The following MAN1C1 variants were observed in gnomAD, a reference collection of about 807,000 sequenced individuals.
The protein encoded by MAN1C1 is mannosidase alpha class 1C member 1, also known as mannosyl-oligosaccharide 1,2-alpha-mannosidase IC.
Under a neutral mutation model 71.5 loss-of-function variants are expected in MAN1C1, and 49 were observed. That is an observed-to-expected ratio of 0.69 (90% CI 0.54 to 0.87). The LOEUF (loss-of-function observed/expected upper bound fraction) is 0.87, where lower values mean the gene tolerates loss of function less well. Among genes scored for constraint, MAN1C1 ranks in the 40% least tolerant of loss-of-function variants. The probability of loss-of-function intolerance (pLI) is 0.00; values close to 1 mark genes in which losing one functional copy is unlikely to be tolerated. For synonymous variants in MAN1C1, 352 were observed against 343.7 expected (o/e 1.02, Z -0.27); for missense variants, 743 against 835.0 (o/e 0.89, Z 1.36).
chr1:25,697,410 C>G (rs1031657652), intron 2 of MAN1C1, among the ~76,000 whole-genome samples: 2 of 152,200 alleles, frequency 1.3e-5, no homozygotes, highest in African/African-American at 4.8e-5. Flanking sequence ...AGGAATATTC[C>G]TTTGTATGGA....
chr1:25,710,635 C>T (rs1003863774), intron 2 of MAN1C1, among the ~76,000 whole-genome samples: 2 of 152,050 alleles, frequency 1.3e-5, no homozygotes, highest in Non-Finnish European at 2.9e-5. Flanking sequence ...TTGTAAATTG[C>T]GGGGACCCAG....
At position 25,730,915 on chromosome 1, in the gene MAN1C1, A is replaced by G. The variant is rs1226149206; in HGVS notation, c.638-15753A>G. On this transcript the variant is annotated intron_variant, in intron 2 of 11. Coordinates refer to ENST00000374332, the MANE Select transcript of MAN1C1 (RefSeq NM_020379.4). This position sits in a 1 kb window ranked among gnomAD's most constrained non-coding sequence, Gnocchi z 4.3. The stretch of plus-strand genomic sequence containing the variant: ...ACAGATGCAGACTCGCTGCTGGCTC[A>G]GAGAGGTTAAGTCATTTGGCTGTGG... Among the ~76,000 whole-genome samples the G allele has an allele frequency of 1.3e-5, 2 of 152,224 alleles. No individual in the cohort carries two copies. The highest frequency in any genetic ancestry group is 2.9e-5 in the Non-Finnish European group (2 of 68,036).
At chr1:25,750,925 G>A (rs1454499731) in intron 4 of MAN1C1, among the ~76,000 whole-genome samples, 1 of 152,180 alleles carries the variant, frequency 6.6e-6, no homozygotes, top group Non-Finnish European at 1.5e-5. Flanking sequence ...AGCAATTCAG[G>A]AAAGAGTTGG....
intron 1 of MAN1C1, among the ~76,000 whole-genome samples, chr1:25,636,619 C>T (rs1213391525): frequency 1.3e-5 from 2 of 152,182 alleles, no homozygotes; most frequent in East Asian, 3.8e-4. Flanking sequence ...ACACTGATTT[C>T]ATATTGTTCA....
chr1:25,661,931 C>T (rs969232509), intron 1 of MAN1C1, among the ~76,000 whole-genome samples: 7 of 152,116 alleles, frequency 4.6e-5, no homozygotes, highest in South Asian at 2.1e-4. Context: ...AAATGATCTA[C>T]GGTCTCTCCC....
At chr1:25,733,698 A>G (rs572624537) in intron 2 of MAN1C1, among the ~76,000 whole-genome samples, 20 of 152,320 alleles carry the variant, frequency 1.3e-4, no homozygotes, top group Admixed American at 9.8e-4. Flanking sequence ...TGAATGAATG[A>G]ATGAATCTTG....
At position 25,730,629 on chromosome 1, in the gene MAN1C1, C is replaced by T. The variant is rs755245032; in HGVS notation, c.638-16039C>T. ...TGTCTCCTGGGCCGTGGCACGTTTG[C>T]TGCATTTGTGAATTGTTTGGGCACT... On this transcript the variant is annotated intron_variant, in intron 2 of 11. Coordinates refer to ENST00000374332, the MANE Select transcript of MAN1C1 (RefSeq NM_020379.4). The surrounding 1 kb of genome is among the most constrained non-coding windows in gnomAD (Gnocchi z 4.3). Among the ~76,000 whole-genome samples, 1 of 152,178 alleles carries T rather than the reference C, an allele frequency of 6.6e-6. No individual in the cohort carries two copies. Among genetic ancestry groups the T allele is most frequent in the Admixed American group, 6.5e-5 (1 of 15,270 alleles).
intron 2 of MAN1C1, among the ~76,000 whole-genome samples, chr1:25,695,977 G>A (rs1444607131): frequency 6.6e-6 from 1 of 152,192 alleles, no homozygotes; most frequent in Non-Finnish European, 1.5e-5. Context: ...TATTGGGCTG[G>A]TCTTCTTGGA....
chr1:25,729,486 T>C (rs2046880552), intron 2 of MAN1C1, among the ~76,000 whole-genome samples: 1 of 151,862 alleles, frequency 6.6e-6, no homozygotes, highest in Non-Finnish European at 1.5e-5. Context: ...TCTTTTTTTT[T>C]TTTTTGAGAT....
chr1:25,741,405 T>C (rs1053409984), intron 2 of MAN1C1, among the ~76,000 whole-genome samples: 1 of 152,112 alleles, frequency 6.6e-6, no homozygotes, highest in Non-Finnish European at 1.5e-5. Context: ...CACAGGAGAC[T>C]GGGAAGAAGC....
intron 1 of MAN1C1, among the ~76,000 whole-genome samples, chr1:25,679,978 T>C (rs34531508): frequency 0.073 from 9,229 of 126,536 alleles, 386 homozygotes; most frequent in Non-Finnish European, 0.083. Flanking sequence ...TATATATATA[T>C]ACACACACAC....
At chr1:25,704,017 C>T (rs944475094) in intron 2 of MAN1C1, among the ~76,000 whole-genome samples, 2 of 152,174 alleles carry the variant, frequency 1.3e-5, no homozygotes, top group Non-Finnish European at 2.9e-5. Flanking sequence ...TCCAGCCTGC[C>T]CACAGACGCC....
intron 2 of MAN1C1, chr1:25,709,651 A>G (rs2046576140): frequency 6.6e-6 from 1 of 152,182 alleles, no homozygotes; most frequent in Non-Finnish European, 1.5e-5. Context: ...GGAATGCATG[A>G]AGATTCCTCA....
At chr1:25,649,521 G>A (rs892796389) in intron 1 of MAN1C1, among the ~76,000 whole-genome samples, 14 of 152,198 alleles carry the variant, frequency 9.2e-5, no homozygotes, top group African/African-American at 3.4e-4. Flanking sequence ...TGTGGGCAAT[G>A]AGGTCCTCAT....
At chr1:25,766,519 G>A (rs945608036) in intron 7 of MAN1C1, among the ~76,000 whole-genome samples, 1 of 152,188 alleles carries the variant, frequency 6.6e-6, no homozygotes, top group African/African-American at 2.4e-5. Context: ...GCAGCCTAGA[G>A]AAACGAAGGA....
At chr1:25,656,290 GT>G (rs2045766067) in intron 1 of MAN1C1, among the ~76,000 whole-genome samples, 1 of 151,576 alleles carries the variant, frequency 6.6e-6, no homozygotes, top group Non-Finnish European at 1.5e-5. Flanking sequence ...TAGAGACGGG[GT>G]TTTACCATGT....
At chr1:25,720,867 C>T (rs1172855486) in intron 2 of MAN1C1, among the ~76,000 whole-genome samples, 2 of 152,162 alleles carry the variant, frequency 1.3e-5, no homozygotes, top group African/African-American at 4.8e-5. Context: ...GGTAGGACTC[C>T]AGCTTCATTC....
At chr1:25,733,943 GCGCC>G (rs1232831311) in intron 2 of MAN1C1, among the ~76,000 whole-genome samples, 10 of 151,686 alleles carry the variant, frequency 6.6e-5, no homozygotes, top group Non-Finnish European at 1.5e-4. Context: ...GGGACTACAG[GCGCC>G]CGCCACCACG....
chr1:25,733,110 G>A (rs570742985), intron 2 of MAN1C1, among the ~76,000 whole-genome samples: 14 of 152,260 alleles, frequency 9.2e-5, no homozygotes, highest in African/African-American at 2.6e-4. Flanking sequence ...TTGAATTCTT[G>A]TTCCTGGACT....
Sources: gnomAD v4.1 joint callset for allele counts (sites outside exome capture counted in the v4.1 genomes callset) on GRCh38, gnomAD v4.1.1 for gene constraint, Gnocchi (gnomAD v3.1) non-coding constraint, MANE v1.5 for transcripts, NCBI Gene and HGNC (gene_info 2026-07-23, HGNC 2026-07-21) for gene names.